The following SLC35F4 variants were observed in gnomAD, a reference collection of about 807,000 sequenced individuals.
SLC35F4 encodes the protein chromosome 14 open reading frame 36.
SLC35F4 carries 24 observed loss-of-function variants against 44.2 expected under a neutral mutation model. The observed-to-expected ratio is 0.54, with a 90% CI of 0.39 to 0.76. SLC35F4 has a LOEUF of 0.76. Among genes scored for constraint, SLC35F4 ranks in the 30% least tolerant of loss-of-function variants. The pLI is 0.00. For synonymous variants in SLC35F4, 238 were observed against 223.6 expected (o/e 1.06, Z -0.57); for missense variants, 562 against 586.1 (o/e 0.96, Z 0.42).
intron 6 of SLC35F4, among the ~76,000 whole-genome samples, chr14:57,568,569 C>A (rs2068321261): frequency 6.6e-6 from 1 of 152,130 alleles, no homozygotes; most frequent in Non-Finnish European, 1.5e-5. Flanking sequence ...ACTCAAGGGA[C>A]CAACAATTAA....
chr14:57,862,060 C>G (rs1887727312), intron 1 of SLC35F4, among the ~76,000 whole-genome samples: 1 of 152,096 alleles, frequency 6.6e-6, no homozygotes, highest in Admixed American at 6.6e-5. Context: ...ATCCTTATCC[C>G]CTGACAATCC....
At chr14:57,920,906 C>T (rs891045099) in intron 1 of SLC35F4, among the ~76,000 whole-genome samples, 6 of 152,170 alleles carry the variant, frequency 3.9e-5, no homozygotes, top group African/African-American at 1.4e-4. Flanking sequence ...GTATAGATTA[C>T]ATTTGTTATT....
intron 1 of SLC35F4, among the ~76,000 whole-genome samples, chr14:57,816,273 G>A (rs890220825): frequency 6.6e-6 from 1 of 152,172 alleles, no homozygotes; most frequent in Admixed American, 6.6e-5. Flanking sequence ...GAGCCAAATG[G>A]CTACACTGCA....
chr14:57,699,815 TA>T (rs1005018033), intron 1 of SLC35F4, among the ~76,000 whole-genome samples: 2 of 152,320 alleles, frequency 1.3e-5, no homozygotes, highest in African/African-American at 4.8e-5. Context: ...TTTATTCATT[TA>T]AAAAGTCTCT....
chr14:57,821,068 A>T (rs1334947289), intron 1 of SLC35F4, among the ~76,000 whole-genome samples: 1 of 152,154 alleles, frequency 6.6e-6, no homozygotes, highest in Admixed American at 6.6e-5. Flanking sequence ...TTCACTCATG[A>T]CCCTTAATTG....
chr14:57,960,280 G>GC (rs5808954), intron 1 of SLC35F4, among the ~76,000 whole-genome samples: 39,490 of 152,016 alleles, frequency 0.26, 5,370 homozygotes, highest in East Asian at 0.34. Context: ...TGTGAACACT[G>GC]CCCCAAGAAG....
At chr14:57,755,733 T>C (rs1211983351) in intron 1 of SLC35F4, among the ~76,000 whole-genome samples, 2 of 111,920 alleles carry the variant, frequency 1.8e-5, no homozygotes, top group Non-Finnish European at 4.0e-5. Flanking sequence ...TACTGCAGTT[T>C]TACTAAATTG....
intron 1 of SLC35F4, among the ~76,000 whole-genome samples, chr14:57,743,232 C>G (rs1276009868): frequency 2.5e-4 from 38 of 152,080 alleles, no homozygotes; most frequent in Non-Finnish European, 1.5e-5. Context: ...CAGAGCAGAA[C>G]TGAAGGAAAT....
intron 1 of SLC35F4, among the ~76,000 whole-genome samples, chr14:57,681,223 C>T (rs2074892836): frequency 6.6e-6 from 1 of 152,088 alleles, no homozygotes; most frequent in African/African-American, 2.4e-5. Context: ...CACCACACAT[C>T]TACCACCACC....
At chr14:57,573,444 GC>G (rs1231526712) in intron 4 of SLC35F4, among the ~76,000 whole-genome samples, 2 of 152,212 alleles carry the variant, frequency 1.3e-5, no homozygotes, top group African/African-American at 2.4e-5. Flanking sequence ...ATTCTCTGAA[GC>G]TGCCGGGTGT....
chr14:57,707,315 T>G (rs186651781), intron 1 of SLC35F4, among the ~76,000 whole-genome samples: 1 of 152,258 alleles, frequency 6.6e-6, no homozygotes, highest in African/African-American at 2.4e-5. Context: ...CCACATATCA[T>G]GGGAGGGACT....
intron 1 of SLC35F4, among the ~76,000 whole-genome samples, chr14:57,670,652 C>G (rs1014742728): frequency 6.6e-6 from 1 of 151,910 alleles, no homozygotes; most frequent in African/African-American, 2.4e-5. Flanking sequence ...TTGAGTGAGT[C>G]TTAATCCTGA....
chr14:57,848,539 C>A (rs533234273), intron 1 of SLC35F4, among the ~76,000 whole-genome samples: 1 of 152,286 alleles, frequency 6.6e-6, no homozygotes, highest in African/African-American at 2.4e-5. Context: ...AAGGAAAAAG[C>A]CCAGCTGATT....
At chr14:57,627,530 T>G (rs916436647) in intron 1 of SLC35F4, among the ~76,000 whole-genome samples, 1 of 152,144 alleles carries the variant, frequency 6.6e-6, no homozygotes, top group Non-Finnish European at 1.5e-5. Context: ...GAAGCATTAT[T>G]TAGCTAAAAA....
At chr14:57,856,211 AC>A (rs1222235822) in intron 1 of SLC35F4, among the ~76,000 whole-genome samples, 1 of 152,014 alleles carries the variant, frequency 6.6e-6, no homozygotes, top group Non-Finnish European at 1.5e-5. Context: ...TAGGAGAAAT[AC>A]CTAATGTAGG....
At chr14:57,810,273 G>A (rs775205104) in intron 1 of SLC35F4, among the ~76,000 whole-genome samples, 1 of 152,180 alleles carries the variant, frequency 6.6e-6, no homozygotes, top group Non-Finnish European at 1.5e-5. Context: ...GTCCCACCCA[G>A]GGTTGAAGCC....
rs530275501 is a variant in SLC35F4, at chr14:57,749,036, T to C, written c.103+116687A>G. ...ATACAAAGGCCCAGAGAAAAACTTATCCAACAGATACAGAGCTGGTAAGCA... is the reference window on the plus strand; with the variant it reads ...ATACAAAGGCCCAGAGAAAAACTTACCCAACAGATACAGAGCTGGTAAGCA... On this transcript the variant is annotated intron_variant, in intron 1 of 7. Coordinates refer to ENST00000556826, the MANE Select transcript of SLC35F4 (RefSeq NM_001306087.2). Among the ~76,000 whole-genome samples the C allele has an allele frequency of 5.3e-5, 8 of 152,238 alleles. No homozygotes were observed. The South Asian group carries it at 1.7e-3, about 32-fold the overall frequency.
Position 57,858,824 on chromosome 14 carries a change from T to C in SLC35F4, c.103+6899A>G, listed in dbSNP as rs192254470. Among the ~76,000 whole-genome samples the C allele has an allele frequency of 4.2e-4, 63 of 150,064 alleles. 3 individuals carry two copies. The highest frequency in any genetic ancestry group is 1.5e-3 in the African/African-American group (60 of 39,978). On this transcript the variant is annotated intron_variant, in intron 1 of 7. Coordinates refer to ENST00000556826, the MANE Select transcript of SLC35F4 (RefSeq NM_001306087.2). ...TAAAAGGAAAGTTGGGCCAATGCAG[T>C]AGCTCACACCTGTAATCCCAGTGCT...
intron 1 of SLC35F4, among the ~76,000 whole-genome samples, chr14:57,861,108 C>T (rs748044654): frequency 6.6e-6 from 1 of 152,138 alleles, no homozygotes; most frequent in Non-Finnish European, 1.5e-5. Flanking sequence ...ACAACCTGAG[C>T]GCACTTCCCC....
Sources: allele counts gnomAD v4.1 joint callset (sites outside exome capture counted in the v4.1 genomes callset), GRCh38; gene constraint gnomAD v4.1.1; transcripts MANE v1.5; gene names NCBI Gene and HGNC (gene_info 2026-07-23, HGNC 2026-07-21).